The following PRTG variants were observed in gnomAD, a reference collection of about 807,000 sequenced individuals.
PRTG encodes the protein protogenin, also known as immunoglobulin superfamily, DCC subclass, member 5.
In PRTG, 67 loss-of-function variants were observed where a neutral mutation model predicts 122.5. That is an observed-to-expected ratio of 0.55 (90% CI 0.45 to 0.67). The LOEUF (loss-of-function observed/expected upper bound fraction) is 0.67, where lower values mean the gene tolerates loss of function less well. PRTG is among the 30% of genes least tolerant of loss of function. PRTG has a pLI of 0.00. For synonymous variants in PRTG, 554 were observed against 501.1 expected, an observed-to-expected ratio of 1.11 and a Z score of -1.41; for missense variants, 1,435 against 1,415.4, an observed-to-expected ratio of 1.01 and a Z score of -0.22.
At chr15:55,629,124 T>C (rs1486835496) in intron 15 of PRTG, 120 bp from the exon 16 acceptor site, 1 of 556,898 alleles carries the variant, frequency 1.8e-6, no homozygotes, top group Non-Finnish European at 3.0e-6. Flanking sequence ...TGACACATAT[T>C]GTAGAACATT....
intron 2 of PRTG, among the ~76,000 whole-genome samples, chr15:55,688,704 C>T (rs918975785): frequency 4.6e-5 from 7 of 152,080 alleles, no homozygotes; most frequent in African/African-American, 1.4e-4. Flanking sequence ...CGTTGTGGTG[C>T]GTACCTGTAG....
At position 55,614,696 on chromosome 15, in the gene PRTG, G is replaced by A. The variant is rs2059134809; in HGVS notation, c.*5316C>T. 2.6e-5 allele frequency: 4 copies of A among 152,100 alleles called. No individual in the cohort carries two copies. Among genetic ancestry groups the A allele is most frequent in the Non-Finnish European group, 5.9e-5 (4 of 67,976 alleles). 9.4% of individuals were successfully genotyped at this position (152,100 alleles called of 1,614,324 possible). On this transcript the variant is annotated 3_prime_UTR_variant, in exon 20 of 20. Coordinates refer to ENST00000389286, the MANE Select transcript of PRTG (RefSeq NM_173814.6). ...TATTCAGAAACTTTAAAGATAAATT[G>A]TTTCACAAGTATTTTGGAGAGAAAG...
intron 11 of PRTG, among the ~76,000 whole-genome samples, chr15:55,658,528 G>GGCT (rs2059392763): frequency 6.6e-6 from 1 of 152,096 alleles, no homozygotes; most frequent in Non-Finnish European, 1.5e-5. Flanking sequence ...ATGTTGGCCA[G>GGCT]GCTGGTCTTG....
chr15:55,641,201 T>A lies in PRTG; in HGVS notation c.2049A>T (p.Arg683Ser). ...LLYTLSGLDP[R>S]RKYHVRLLAY... ...CCAGGAGTCTCACATGATATTTTCT[T>A]CTGGGGTCTATAAAGAAACCAATAG... Residue 683 changes from arginine to serine, a missense_variant, in exon 12 of 20, where the codon AGA (arginine) becomes AGT (serine). By Grantham distance (110) the Arg-to-Ser change is moderately radical (BLOSUM62 -1). Coordinates refer to ENST00000389286, the MANE Select transcript of PRTG (RefSeq NM_173814.6). 1 of 1,611,582 alleles carries A rather than the reference T, an allele frequency of 6.2e-7. No individual in the cohort carries two copies. Among genetic ancestry groups the A allele is most frequent in the Non-Finnish European group, 8.5e-7 (1 of 1,177,758 alleles).
intron 11 of PRTG, among the ~76,000 whole-genome samples, chr15:55,671,348 T>C (rs768918955): frequency 1.3e-4 from 20 of 152,092 alleles, no homozygotes; most frequent in Non-Finnish European, 2.1e-4. Flanking sequence ...AACAATTCAG[T>C]AGGTATTTAG....
chr15:55,704,751 G>C (rs190329995), intron 2 of PRTG, among the ~76,000 whole-genome samples: 1 of 152,224 alleles, frequency 6.6e-6, no homozygotes, highest in East Asian at 1.9e-4. Flanking sequence ...CACAAACTGG[G>C]AATCAATCAC....
At position 55,673,632 on chromosome 15, in the gene PRTG, T is replaced by C. The variant is rs1362613252; in HGVS notation, c.1591A>G (p.Thr531Ala). 3 of 1,614,154 alleles carry C rather than the reference T, an allele frequency of 1.9e-6. No individual in the cohort carries two copies. In the Admixed American group the frequency reaches 5.0e-5, roughly 27 times the overall value. The change falls in exon 10 of 20, where the codon ACT becomes GCT. Residue 531 changes from threonine (T) to alanine (A), a missense_variant. By Grantham distance (58) the Thr-to-Ala change is moderately conservative. Transcript: ENST00000389286. ...PEISLTSRSPTDILISWLPIP... is the reference protein window; with the variant it reads ...PEISLTSRSPADILISWLPIP... ...GGCAGCCAGGAGATGAGAATATCAGTGGGACTTCGACTTGTCAAACTAATT... is the reference window on the plus strand; with the variant it reads ...GGCAGCCAGGAGATGAGAATATCAGCGGGACTTCGACTTGTCAAACTAATT...
At chr15:55,728,220 AC>A (rs2031106232) in intron 2 of PRTG, among the ~76,000 whole-genome samples, 1 of 152,132 alleles carries the variant, frequency 6.6e-6, no homozygotes, top group Non-Finnish European at 1.5e-5. Context: ...ATCTTCCAAA[AC>A]AATACAGTAT....
chr15:55,665,128 C>T (rs992247694), intron 11 of PRTG, among the ~76,000 whole-genome samples: 20 of 151,896 alleles, frequency 1.3e-4, no homozygotes, highest in African/African-American at 4.6e-4. Flanking sequence ...TGCGTGGTGG[C>T]CGGTGCCTGT....
chr15:55,693,636 T>C (rs1443172719), intron 2 of PRTG, among the ~76,000 whole-genome samples: 1 of 152,222 alleles, frequency 6.6e-6, no homozygotes, highest in African/African-American at 2.4e-5. Flanking sequence ...GAATCAGTTT[T>C]GCATTAATGA....
chr15:55,713,286 A>G (rs2030463231), intron 2 of PRTG, among the ~76,000 whole-genome samples: 1 of 152,172 alleles, frequency 6.6e-6, no homozygotes, highest in Non-Finnish European at 1.5e-5. Context: ...ACTTATCCAC[A>G]CTATATATAA....
At chr15:55,673,267 T>A in intron 10 of PRTG, 104 bp downstream of exon 10, 1 of 899,322 alleles carries the variant, frequency 1.1e-6, no homozygotes, top group East Asian at 2.7e-5. Context: ...TGGAATATTT[T>A]TATTTGTAAA....
At chr15:55,689,100 T>G (rs549159390) in intron 2 of PRTG, among the ~76,000 whole-genome samples, 1 of 152,338 alleles carries the variant, frequency 6.6e-6, no homozygotes, top group South Asian at 2.1e-4. Context: ...ATCTTGTTTC[T>G]GCTTTCATTC....
intron 2 of PRTG, among the ~76,000 whole-genome samples, chr15:55,688,464 TC>T (rs1359133557): frequency 1.3e-5 from 2 of 152,164 alleles, no homozygotes; most frequent in African/African-American, 4.8e-5. Flanking sequence ...AAATACCTCT[TC>T]CAGCTTAGAT....
chr15:55,661,286 A>C lies in PRTG; in HGVS notation c.2041+11159T>G, dbSNP rs74017547. Among the ~76,000 whole-genome samples, 86 of 152,328 alleles carry C rather than the reference A, an allele frequency of 5.6e-4. 2 individuals carry two copies. Among genetic ancestry groups the C allele is most frequent in the African/African-American group, 1.9e-3 (79 of 41,576 alleles). On this transcript the variant is annotated intron_variant, in intron 11 of 19. Transcript: ENST00000389286. ...TCGACTCCAACTCTTCCAAAATCAG[A>C]GCACAAACTTAACTGACATCGGACC... is the stretch of plus-strand genomic sequence containing the variant.
At chr15:55,728,143 G>A (rs1409815716) in intron 2 of PRTG, among the ~76,000 whole-genome samples, 1 of 152,102 alleles carries the variant, frequency 6.6e-6, no homozygotes, top group South Asian at 2.1e-4. Context: ...TAGAATTACA[G>A]GCATGACCCA....
rs1247767396 is a variant in PRTG, at chr15:55,615,024, C to A, written c.*4988G>T. 1 of 152,004 alleles carries A rather than the reference C, an allele frequency of 6.6e-6. No homozygotes were observed. The highest frequency in any genetic ancestry group is 1.5e-5 in the Non-Finnish European group (1 of 67,972). 9.4% of individuals were successfully genotyped at this position (152,004 alleles called of 1,614,324 possible). A position where few individuals can be genotyped will look rare whatever the true frequency, so the allele number is the denominator to read the frequency against. On this transcript the variant is annotated 3_prime_UTR_variant, in exon 20 of 20. Transcript: ENST00000389286. ...GATTATCCTGGATTATTTAGGTGGGCTCAATGTGATCACTGGAATCCTTAA... is the reference window on the plus strand; with the variant it reads ...GATTATCCTGGATTATTTAGGTGGGATCAATGTGATCACTGGAATCCTTAA...
At chr15:55,720,338 T>C (rs998025400) in intron 2 of PRTG, among the ~76,000 whole-genome samples, 16 of 151,912 alleles carry the variant, frequency 1.1e-4, no homozygotes, top group African/African-American at 1.9e-4. Flanking sequence ...GCCTGGGCAA[T>C]GGGGCGAGAC....
chr15:55,683,705 T>C, intron 3 of PRTG, 82 bp downstream of exon 3: 1 of 1,168,412 alleles, frequency 8.6e-7, no homozygotes, highest in South Asian at 1.6e-5. Context: ...ATGAGGCCTA[T>C]AATGGTGTTT....
Sources: allele counts gnomAD v4.1 joint callset (sites outside exome capture counted in the v4.1 genomes callset), GRCh38; gene constraint gnomAD v4.1.1; transcripts MANE v1.5; gene names NCBI Gene and HGNC (gene_info 2026-07-23, HGNC 2026-07-21).